The following DHX9 variants were observed in gnomAD, a reference collection of about 807,000 sequenced individuals.
The protein encoded by DHX9 is ATP-dependent RNA helicase A.
DHX9 carries 27 observed loss-of-function variants against 148.7 expected under a neutral mutation model. That is an observed-to-expected ratio of 0.18 (90% CI 0.13 to 0.25). DHX9 has a LOEUF of 0.25. Among genes scored for constraint, DHX9 ranks in the 10% least tolerant of loss-of-function variants. The pLI, the probability that DHX9 is intolerant of heterozygous loss-of-function variation, is 1.00. For synonymous variants in DHX9, 529 were observed against 516.6 expected (o/e 1.02, Z -0.33); for missense variants, 796 against 1,559.6 (o/e 0.51, Z 8.25).
intron 6 of DHX9, chr1:182,855,691 C>G: frequency 1.0e-6 from 1 of 985,374 alleles, no homozygotes; most frequent in Non-Finnish European, 1.2e-6. Flanking sequence ...GGCCTTTGAC[C>G]CCTGAAGCCG....
At chr1:182,880,389 G>C in intron 21 of DHX9, 108 bp from the exon 22 acceptor site, 1 of 639,970 alleles carries the variant, frequency 1.6e-6, no homozygotes, top group South Asian at 2.3e-5. Flanking sequence ...CGATTGGCTT[G>C]ACAAAAGAGG....
chr1:182,875,746 A>C (rs1431868554), intron 16 of DHX9, among the ~76,000 whole-genome samples: 1 of 152,212 alleles, frequency 6.6e-6, no homozygotes, highest in African/African-American at 2.4e-5. Context: ...TGGAAAATAC[A>C]TTATTTCAAT....
intron 3 of DHX9, among the ~76,000 whole-genome samples, chr1:182,850,834 T>G (rs1348203013): frequency 6.6e-6 from 1 of 152,202 alleles, no homozygotes; most frequent in Non-Finnish European, 1.5e-5. Context: ...TGTGACACTT[T>G]CAATACTCTT....
chr1:182,851,664 T>G (rs1446938693), intron 3 of DHX9, among the ~76,000 whole-genome samples: 5 of 152,222 alleles, frequency 3.3e-5, no homozygotes. Context: ...GGTTTAAGAA[T>G]TCAGAATTTT....
intron 12 of DHX9, 22 bp from the exon 13 acceptor site, chr1:182,866,422 C>A: frequency 6.2e-7 from 1 of 1,610,308 alleles, no homozygotes; most frequent in Non-Finnish European, 8.5e-7. Flanking sequence ...TGTTAAGTCA[C>A]TTTTCTTTTT....
rs371348637 is a variant in DHX9 at position 182,877,987 on chromosome 1, T to C, written c.2199-34T>C. 3.1e-6 allele frequency: 5 copies of C among 1,611,590 alleles called. No homozygotes were observed. In the Admixed American group the frequency reaches 5.0e-5, roughly 16 times the overall value. ...ATATAATAGTTATTGATAATACACA[T>C]GAGTCTTAGAATTAACCACTTTTTC... On this transcript the variant is annotated intron_variant, in intron 19 of 27. Coordinates refer to ENST00000367549, the MANE Select transcript of DHX9 (RefSeq NM_001357.5).
At chr1:182,840,177 G>C (rs956257562) in intron 1 of DHX9, among the ~76,000 whole-genome samples, 1 of 152,112 alleles carries the variant, frequency 6.6e-6, no homozygotes, top group African/African-American at 2.4e-5. Flanking sequence ...CGGGTGTGCA[G>C]TAGTGGTGGC....
intron 5 of DHX9, 32 bp from the exon 6 acceptor site, chr1:182,853,998 A>G: frequency 6.2e-7 from 1 of 1,604,222 alleles, no homozygotes; most frequent in South Asian, 1.1e-5. Context: ...TAAACTTAAC[A>G]CAGCCAAATT....
chr1:182,859,521 T>G (rs775920311), intron 11 of DHX9, among the ~76,000 whole-genome samples: 7 of 152,322 alleles, frequency 4.6e-5, no homozygotes, highest in South Asian at 2.1e-4. Context: ...CTATTAGAGA[T>G]ATAAATATAC....
rs1255565875 is a variant in DHX9 at position 182,853,307 on chromosome 1, A to G, written c.366A>G (p.Glu122=). ...PLPPHLALKA[E]NNSEVGASGY... is the part of the protein sequence containing the mutation. ...AGAGAATTTTTTTTCTTTTAACAGA[A>G]AATAATTCTGAGGTAGGGGCCTCTG... The change falls in exon 5 of 28, where the codon GAA becomes GAG. Residue 122 remains glutamate, a splice_region_variant and synonymous_variant. Transcript: ENST00000367549. 9 of 1,605,366 alleles carry G rather than the reference A, an allele frequency of 5.6e-6. No individual in the cohort carries two copies. Among genetic ancestry groups the G allele is most frequent in the African/African-American group, 4.0e-5 (3 of 74,134 alleles).
chr1:182,859,108 TTTG>T lies in DHX9; in HGVS notation c.1132_1134del (p.Leu378del). The T allele has an allele frequency of 1.2e-6, 2 of 1,613,984 alleles. No homozygotes were observed. The highest frequency in any genetic ancestry group is 1.3e-5 in the African/African-American group (1 of 75,054). On this transcript the variant is annotated inframe_deletion, in exon 11 of 28. Transcript: ENST00000367549. ...TGTACCAGTTGGAACAGGATCATGA[TTTG>T]CAAGCAGTAAGTCTGAATTATTTAG... is the stretch of plus-strand genomic sequence containing the variant.
chr1:182,862,058 T>C (rs1668372217), intron 12 of DHX9, among the ~76,000 whole-genome samples: 1 of 149,852 alleles, frequency 6.7e-6, no homozygotes, highest in Non-Finnish European at 1.5e-5. Context: ...TTATTTTTGT[T>C]TTTAATATAC....
intron 14 of DHX9, among the ~76,000 whole-genome samples, chr1:182,872,086 G>C (rs1557975767): frequency 6.6e-6 from 1 of 152,188 alleles, no homozygotes; most frequent in Non-Finnish European, 1.5e-5. Flanking sequence ...GATTACAGGT[G>C]TGAGCCACTG....
chr1:182,846,769 T>C (rs1374602195), intron 3 of DHX9, among the ~76,000 whole-genome samples: 1 of 152,218 alleles, frequency 6.6e-6, no homozygotes, highest in East Asian at 1.9e-4. Flanking sequence ...TCCATAGATT[T>C]ATGTATTTCA....
intron 7 of DHX9, 35 bp downstream of exon 7, chr1:182,856,613 C>T (rs3737219): frequency 0.13 from 200,298 of 1,594,570 alleles, 21,717 homozygotes; most frequent in African/African-American, 0.56. Context: ...TTCCAAGTCT[C>T]TGTATAGAGA....
Position 182,887,228 on chromosome 1 carries a change from G to A in DHX9, c.3607G>A (p.Ala1203Thr), listed in dbSNP as rs369750492. 159 of 1,614,032 alleles carry A rather than the reference G, an allele frequency of 9.9e-5. No individual in the cohort carries two copies. Among genetic ancestry groups the A allele is most frequent in the Middle Eastern group, 1.6e-4 (1 of 6,084 alleles). Residue 1203 changes from alanine to threonine, a missense_variant, in exon 28 of 28, where the codon GCC (alanine) becomes ACC (threonine). By Grantham distance (58) the Ala-to-Thr change is moderately conservative. This residue lies in a region of DHX9 where 98 missense variants were observed against 105.5 expected (regional missense o/e 0.93). Transcript: ENST00000367549. ...GYGSGGYGGS[A>T]NSFRAGYGAG... ...TGGTAGCGGAGGCTATGGTGGCAGCGCCAACTCCTTTCGGGCAGGATATGG... is the reference window on the plus strand; with the variant it reads ...TGGTAGCGGAGGCTATGGTGGCAGCACCAACTCCTTTCGGGCAGGATATGG...
Position 182,847,701 on chromosome 1 carries a change from G to C in DHX9, c.252+4267G>C, listed in dbSNP as rs1668057927. Among the ~76,000 whole-genome samples, 6 of 152,280 alleles carry C rather than the reference G, an allele frequency of 3.9e-5. No homozygotes were observed. The South Asian group carries it at 1.2e-3, about 32-fold the overall frequency. ...TCAGGCCAAAAAGATGGTTTCATTG[G>C]AGGTTTAGCTGCCTGGGATGGCTTC... On this transcript the variant is annotated intron_variant, in intron 3 of 27. Transcript: ENST00000367549.
chr1:182,874,040 T>C (rs1397614554), intron 15 of DHX9, among the ~76,000 whole-genome samples: 1 of 152,240 alleles, frequency 6.6e-6, no homozygotes, highest in Non-Finnish European at 1.5e-5. Flanking sequence ...TGTGTGTCTA[T>C]ACTGATATGT....
chr1:182,845,147 T>A (rs1668005241), intron 3 of DHX9, among the ~76,000 whole-genome samples: 1 of 152,212 alleles, frequency 6.6e-6, no homozygotes, highest in Non-Finnish European at 1.5e-5. Flanking sequence ...GTCTTTAATT[T>A]TATTGGTTTG....
Sources: allele counts gnomAD v4.1 joint callset (sites outside exome capture counted in the v4.1 genomes callset), GRCh38; gene constraint gnomAD v4.1.1; regional missense constraint gnomAD v4.1.1; transcripts MANE v1.5; gene names NCBI Gene and HGNC (gene_info 2026-07-23, HGNC 2026-07-21).